The following BCAM variants were observed in gnomAD, a reference collection of about 807,000 sequenced individuals.
The protein encoded by BCAM is basal cell adhesion molecule.
Under a neutral mutation model 72.4 loss-of-function variants are expected in BCAM, and 61 were observed. The observed-to-expected ratio is 0.84, with a 90% CI of 0.69 to 1.04. The LOEUF (loss-of-function observed/expected upper bound fraction) is 1.04. BCAM is among the 50% of genes least tolerant of loss of function. The pLI, the probability that BCAM is intolerant of heterozygous loss-of-function variation, is 0.00. For synonymous variants in BCAM, 408 were observed against 384.2 expected (o/e 1.06, Z -0.73); for missense variants, 909 against 895.0 (o/e 1.02, Z -0.20).
At position 44,814,779 on chromosome 19, in the gene BCAM, C is replaced by T. The variant is rs10410517; in HGVS notation, c.1078+19C>T. ...GTGGCCTGTGAGAGCCCTGGGTGAA[C>T]GGGCGGGCAGGAGGGGCCCTGGCAT... On this transcript the variant is annotated intron_variant, in intron 8 of 14. Transcript: ENST00000270233. The surrounding 1 kb of genome is among the most constrained non-coding windows in gnomAD (Gnocchi z 4.6). 1,004 of 1,596,618 alleles carry T rather than the reference C, an allele frequency of 6.3e-4. 12 individuals carry two copies. In the African/African-American group the frequency reaches 0.012, roughly 19 times the overall value.
intron 1 of BCAM, among the ~76,000 whole-genome samples, chr19:44,809,967 A>T (rs543421042): frequency 6.6e-6 from 1 of 152,122 alleles, no homozygotes; most frequent in South Asian, 2.1e-4. Context: ...TGCAGATCAG[A>T]CCCAGCCTTA....
intron 11 of BCAM, 69 bp downstream of exon 11, chr19:44,819,261 TC>T (rs1182772538): frequency 1.2e-6 from 2 of 1,610,132 alleles, no homozygotes; most frequent in African/African-American, 2.7e-5. Flanking sequence ...CCTTTCCACT[TC>T]CTGGGAGACT....
chr19:44,810,532 C>T (rs572105128), intron 1 of BCAM, among the ~76,000 whole-genome samples: 1 of 152,182 alleles, frequency 6.6e-6, no homozygotes, highest in African/African-American at 2.4e-5. Context: ...CGGAAGAGAC[C>T]CAGGGACTGA....
At position 44,818,992 on chromosome 19, in the gene BCAM, C is replaced by T. The variant is rs1320426060; in HGVS notation, c.1337-64C>T. On this transcript the variant is annotated intron_variant, in intron 10 of 14. Coordinates refer to ENST00000270233, the MANE Select transcript of BCAM (RefSeq NM_005581.5). The surrounding 1 kb of genome is among the most constrained non-coding windows in gnomAD (Gnocchi z 4.6). ...CTGGCTGGGGACTCCATCTTCTGCT[C>T]GATGCCTCTCTTCTCTCTCTCTCTC... 2.5e-6 allele frequency: 4 copies of T among 1,602,048 alleles called. No homozygotes were observed. The highest frequency in any genetic ancestry group is 2.7e-5 in the African/African-American group (2 of 74,666).
Position 44,813,302 on chromosome 19 carries a change from A to G in BCAM, c.557A>G (p.Tyr186Cys), listed in dbSNP as rs1968452620. ...NGNPAPKITW[Y>C]RNGQRLEVPV... ...AACCCGGCCCCCAAGATCACGTGGTATCGCAACGGGCAGCGCCTGGAGGTG... is the reference window on the plus strand; with the variant it reads ...AACCCGGCCCCCAAGATCACGTGGTGTCGCAACGGGCAGCGCCTGGAGGTG... The change falls in exon 5 of 15, where the codon TAT becomes TGT. Residue 186 changes from tyrosine to cysteine, a missense_variant. Coordinates refer to ENST00000270233, the MANE Select transcript of BCAM (RefSeq NM_005581.5). This position sits in a 1 kb window ranked among gnomAD's most constrained non-coding sequence, Gnocchi z 4.2. 3.1e-6 allele frequency: 5 copies of G among 1,614,000 alleles called. No individual in the cohort carries two copies. The highest frequency in any genetic ancestry group is 2.2e-5 in the South Asian group (2 of 91,096).
At chr19:44,811,920 A>G (rs944863330) in intron 2 of BCAM, 11 of 563,316 alleles carry the variant, frequency 2.0e-5, no homozygotes, top group Admixed American at 7.2e-5. Flanking sequence ...GACAATCGGG[A>G]GAGGGAGAGA....
Position 44,813,663 on chromosome 19 carries a change from AC to A in BCAM, c.784+45del. ...TTTGACCTCTGACCTCAGGCTCCACACCTCATGAGGCCTGACCCTCCACCCG... is the reference window on the plus strand; with the variant it reads ...TTTGACCTCTGACCTCAGGCTCCACACTCATGAGGCCTGACCCTCCACCCG... On this transcript the variant is annotated intron_variant, in intron 6 of 14. Transcript: ENST00000270233. The surrounding 1 kb of genome is among the most constrained non-coding windows in gnomAD (Gnocchi z 4.2). The A allele has an allele frequency of 6.3e-7, 1 of 1,590,514 alleles. No homozygotes were observed. Among genetic ancestry groups the A allele is most frequent in the Non-Finnish European group, 8.6e-7 (1 of 1,167,582 alleles).
At chr19:44,816,311 G>C (rs1968503258) in intron 8 of BCAM, among the ~76,000 whole-genome samples, 1 of 152,086 alleles carries the variant, frequency 6.6e-6, no homozygotes. Context: ...CTCCATCTCA[G>C]AAACAAATAA....
rs1418071495 is a variant in BCAM, at chr19:44,812,308, TG to T, written c.353del (p.Gly118AlafsTer10). ...CGCCTGGTGCTGGCTGAGGCCCAGG[TG>T]GGCGACGAGCGAGACTACGTGTGCG... Reference protein sequence around the residue: ...QGRLVLAEAQVGDERDYVCVV... With the variant: ...QGRLVLAEAQXGDERDYVCVV... On this transcript the variant is annotated frameshift_variant, in exon 3 of 15. Transcript: ENST00000270233. LOFTEE classifies it high-confidence loss of function. The surrounding 1 kb of genome is among the most constrained non-coding windows in gnomAD (Gnocchi z 5.3). The T allele has an allele frequency of 6.2e-7, 1 of 1,612,216 alleles. No homozygotes were observed.
In BCAM at chr19:44,814,683, C is replaced by G. The variant is rs1968478964; in HGVS notation, c.1001C>G (p.Thr334Ser). 5 of 1,614,060 alleles carry G rather than the reference C, an allele frequency of 3.1e-6. No individual in the cohort carries two copies. In the East Asian group the frequency reaches 1.1e-4, roughly 36 times the overall value. Reference protein sequence around the residue: ...LEGVTRGQSGTYGCRVEDYDA... With the variant: ...LEGVTRGQSGSYGCRVEDYDA... ...GGAGTGACCCGGGGCCAGAGCGGGACCTATGGCTGCAGAGTGGAGGATTAC... is the reference window on the plus strand; with the variant it reads ...GGAGTGACCCGGGGCCAGAGCGGGAGCTATGGCTGCAGAGTGGAGGATTAC... The change falls in exon 8 of 15, where the codon ACC becomes AGC. Residue 334 changes from threonine to serine, a missense_variant. Physicochemically the swap from Thr to Ser is moderately conservative, Grantham distance 58. Coordinates refer to ENST00000270233, the MANE Select transcript of BCAM (RefSeq NM_005581.5). This position sits in a 1 kb window ranked among gnomAD's most constrained non-coding sequence, Gnocchi z 4.6.
Position 44,819,734 on chromosome 19 carries a change from G to T in BCAM, c.1763+8G>T, listed in dbSNP as rs1968557599. On this transcript the variant is annotated splice_region_variant and intron_variant, in intron 13 of 14. Coordinates refer to ENST00000270233, the MANE Select transcript of BCAM (RefSeq NM_005581.5). ...GCGGGAGAAGGGGGCTCCGTGAGTG[G>T]CCTGCTATCTGCAATGACCACCATA... 1.1e-5 allele frequency: 18 copies of T among 1,591,792 alleles called. No individual in the cohort carries two copies. Among genetic ancestry groups the T allele is most frequent in the Non-Finnish European group, 1.4e-5 (16 of 1,171,510 alleles).
At chr19:44,811,373 G>T in intron 2 of BCAM, 27 bp downstream of exon 2, 1 of 1,612,390 alleles carries the variant, frequency 6.2e-7, no homozygotes. Context: ...GGGGGGCCTG[G>T]AGTCAGGGCA....
chr19:44,814,280 C>T lies in BCAM; in HGVS notation c.913C>T (p.Arg305Cys), dbSNP rs545087525. ...CCCCAGCCCGGAGTATACGCTTTTC[C>T]GCCTTCAGGTGACCCACCCAAGGGT... The part of the protein sequence containing the change: ...GSPSPEYTLF[R>C]LQDEQEEVLN... The change falls in exon 7 of 15, where the codon CGC (arginine) becomes TGC (cysteine). Residue 305 changes from arginine (R) to cysteine (C), a missense_variant. Transcript: ENST00000270233. This position sits in a 1 kb window ranked among gnomAD's most constrained non-coding sequence, Gnocchi z 4.6. 25 of 1,595,038 alleles carry T rather than the reference C, an allele frequency of 1.6e-5. 1 individual carries two copies. Among genetic ancestry groups the T allele is most frequent in the Middle Eastern group, 1.7e-4 (1 of 5,990 alleles).
Position 44,813,441 on chromosome 19 carries a change from G to C in BCAM, c.605G>C (p.Gly202Ala), listed in dbSNP as rs759591873. Residue 202 changes from glycine to alanine, a missense_variant, in exon 6 of 15, where the codon GGC becomes GCC. Gly to Ala is a moderately conservative substitution (Grantham distance 60, BLOSUM62 0). Coordinates refer to ENST00000270233, the MANE Select transcript of BCAM (RefSeq NM_005581.5). This position sits in a 1 kb window ranked among gnomAD's most constrained non-coding sequence, Gnocchi z 4.2. ...CACCTCCCCCGATCTCTCCCAGAGG[G>C]CTACATGACCAGCCGCACGGTCCGG... is the stretch of plus-strand genomic sequence containing the variant. ...LEVPVEMNPE[G>A]YMTSRTVREA... 42 of 1,610,482 alleles carry C rather than the reference G, an allele frequency of 2.6e-5. 1 individual carries two copies. In the South Asian group the frequency reaches 4.4e-4, roughly 17 times the overall value.
rs755986590 is a variant in BCAM, at chr19:44,813,309, C to T, written c.564C>T (p.Asn188=). 4.3e-5 allele frequency: 70 copies of T among 1,613,954 alleles called. No homozygotes were observed. Among genetic ancestry groups the T allele is most frequent in the Admixed American group, 1.0e-4 (6 of 59,996 alleles). ...NPAPKITWYR[N]GQRLEVPVEM... is the part of the protein sequence containing the mutation. ...CCCCCAAGATCACGTGGTATCGCAA[C>T]GGGCAGCGCCTGGAGGTGCCCGTAG... Residue 188 remains asparagine, a synonymous_variant, in exon 5 of 15, where the codon AAC becomes AAT. Coordinates refer to ENST00000270233, the MANE Select transcript of BCAM (RefSeq NM_005581.5). This position sits in a 1 kb window ranked among gnomAD's most constrained non-coding sequence, Gnocchi z 4.2.
rs1167301668 is a variant in BCAM, at chr19:44,813,285, C to T, written c.540C>T (p.Ala180=). 6.2e-7 allele frequency: 1 copy of T among 1,614,146 alleles called. No homozygotes were observed. Among genetic ancestry groups the T allele is most frequent in the Admixed American group, 1.7e-5 (1 of 60,020 alleles). ...ATCNSRNGNP[A]PKITWYRNGQ... is the part of the protein sequence containing the mutation. Reference sequence around the variant, plus strand: ...GCAACAGCCGGAACGGGAACCCGGCCCCCAAGATCACGTGGTATCGCAACG... The same window carrying T: ...GCAACAGCCGGAACGGGAACCCGGCTCCCAAGATCACGTGGTATCGCAACG... Residue 180 remains alanine, a synonymous_variant, in exon 5 of 15, where the codon GCC becomes GCT. Coordinates refer to ENST00000270233, the MANE Select transcript of BCAM (RefSeq NM_005581.5). The surrounding 1 kb of genome is among the most constrained non-coding windows in gnomAD (Gnocchi z 4.2).
In BCAM at chr19:44,818,453, C is replaced by T. The variant is rs183403648; in HGVS notation, c.1079-69C>T. The T allele has an allele frequency of 1.7e-5, 22 of 1,300,770 alleles. No individual in the cohort carries two copies. The highest frequency in any genetic ancestry group is 2.9e-5 in the African/African-American group (2 of 68,578). 80.6% of individuals were successfully genotyped at this position (1,300,770 alleles called of 1,614,324 possible). A position where few individuals can be genotyped will look rare whatever the true frequency, so the allele number is the denominator to read the frequency against. Reference sequence around the variant, plus strand: ...GTCCATTCATGTTTGCACCCCCGACCGCCCCTGGAGAGCCCCTAATTGAGT... The same window carrying T: ...GTCCATTCATGTTTGCACCCCCGACTGCCCCTGGAGAGCCCCTAATTGAGT... On this transcript the variant is annotated intron_variant, in intron 8 of 14. Transcript: ENST00000270233. The surrounding 1 kb of genome is among the most constrained non-coding windows in gnomAD (Gnocchi z 4.6).
Position 44,818,514 on chromosome 19 carries a change from C to T in BCAM, c.1079-8C>T. 6.2e-7 allele frequency: 1 copy of T among 1,612,134 alleles called. No homozygotes were observed. The highest frequency in any genetic ancestry group is 8.5e-7 in the Non-Finnish European group (1 of 1,178,576). Reference sequence around the variant, plus strand: ...CTGGGACGAGTGACAGACTGTCCCCCACTGCAGATCTGGACCCCCTGGAGC... The same window carrying T: ...CTGGGACGAGTGACAGACTGTCCCCTACTGCAGATCTGGACCCCCTGGAGC... On this transcript the variant is annotated splice_region_variant and splice_polypyrimidine_tract_variant and intron_variant, in intron 8 of 14. Coordinates refer to ENST00000270233, the MANE Select transcript of BCAM (RefSeq NM_005581.5). The surrounding 1 kb of genome is among the most constrained non-coding windows in gnomAD (Gnocchi z 4.6).
intron 13 of BCAM, 72 bp from the exon 14 acceptor site, chr19:44,820,633 C>G: frequency 7.3e-7 from 1 of 1,367,538 alleles, no homozygotes; most frequent in Non-Finnish European, 9.4e-7. Context: ...CCACCCACCC[C>G]CATCCTCAGT....
Sources: gnomAD v4.1 joint callset for allele counts (sites outside exome capture counted in the v4.1 genomes callset) on GRCh38, gnomAD v4.1.1 for gene constraint, Gnocchi (gnomAD v3.1) non-coding constraint, MANE v1.5 for transcripts, NCBI Gene and HGNC (gene_info 2026-07-23, HGNC 2026-07-21) for gene names.